The following RBFOX1 variants were observed in gnomAD, a reference collection of about 807,000 sequenced individuals.
RBFOX1 encodes the protein RNA binding fox-1 homolog 1.
Under a neutral mutation model 57.7 loss-of-function variants are expected in RBFOX1, and 8 were observed. That is an observed-to-expected ratio of 0.14 (90% CI 0.08 to 0.25). The LOEUF is 0.25. RBFOX1 is among the 10% of genes least tolerant of loss of function. The probability of loss-of-function intolerance (pLI) is 1.00; values close to 1 mark genes in which losing one functional copy is unlikely to be tolerated. For synonymous variants in RBFOX1, 326 were observed against 222.4 expected (o/e 1.47, Z -4.15); for missense variants, 611 against 548.5 (o/e 1.11, Z -1.14).
At chr16:5,789,466 T>C (rs2054616372) in intron 3 of RBFOX1, among the ~76,000 whole-genome samples, 1 of 152,152 alleles carries the variant, frequency 6.6e-6, no homozygotes. Flanking sequence ...CATGGGCATG[T>C]ATGGGTGTGT....
intron 3 of RBFOX1, among the ~76,000 whole-genome samples, chr16:6,876,953 G>A (rs2061960270): frequency 6.6e-6 from 1 of 152,104 alleles, no homozygotes; most frequent in South Asian, 2.1e-4. Flanking sequence ...AGTATTTATG[G>A]AAGAATAATT....
chr16:5,487,262 G>A (rs895862963), intron 2 of RBFOX1, among the ~76,000 whole-genome samples: 7 of 152,214 alleles, frequency 4.6e-5, no homozygotes, highest in Admixed American at 2.6e-4. Flanking sequence ...GGAGGCCAGG[G>A]AGAAGAACCA....
intron 12 of RBFOX1, among the ~76,000 whole-genome samples, chr16:7,654,927 A>C (rs1447646130): frequency 1.3e-5 from 2 of 152,214 alleles, no homozygotes; most frequent in East Asian, 1.9e-4. Flanking sequence ...GTCATGCTGC[A>C]GCTGAGAAAC....
intron 4 of RBFOX1, among the ~76,000 whole-genome samples, chr16:7,091,929 T>A (rs148956572): frequency 6.6e-6 from 1 of 152,340 alleles, no homozygotes; most frequent in African/African-American, 2.4e-5. Flanking sequence ...TTAAGGTCTT[T>A]CAGGACAGAA....
chr16:7,635,650 A>C (rs1427477294), intron 11 of RBFOX1, among the ~76,000 whole-genome samples: 1 of 143,350 alleles, frequency 7.0e-6, no homozygotes, highest in Non-Finnish European at 1.5e-5. Context: ...TACATATATC[A>C]ATCATATTTA....
intron 1 of RBFOX1, among the ~76,000 whole-genome samples, chr16:6,113,013 A>C (rs1023823449): frequency 7.2e-5 from 11 of 152,326 alleles, no homozygotes; most frequent in Non-Finnish European, 1.5e-4. Flanking sequence ...AGCTATTGCC[A>C]CCATGGTTCT....
chr16:7,412,811 G>C (rs550840005), intron 4 of RBFOX1, among the ~76,000 whole-genome samples: 3 of 152,298 alleles, frequency 2.0e-5, no homozygotes, highest in Admixed American at 1.3e-4. Flanking sequence ...GGGAGGCCGA[G>C]GCAGGCGGAC....
chr16:6,919,134 C>T (rs969036694), intron 3 of RBFOX1, among the ~76,000 whole-genome samples: 1 of 152,042 alleles, frequency 6.6e-6, no homozygotes, highest in Admixed American at 6.6e-5. Flanking sequence ...CACCTGCCAT[C>T]GTGCCTGGCT....
intron 4 of RBFOX1, among the ~76,000 whole-genome samples, chr16:7,498,310 C>A (rs2069386027): frequency 6.6e-6 from 1 of 152,116 alleles, no homozygotes; most frequent in South Asian, 2.1e-4. Context: ...TAAGTTCAAT[C>A]TTAGCTCTAT....
intron 1 of RBFOX1, among the ~76,000 whole-genome samples, chr16:6,277,835 G>T (rs1028227153): frequency 6.6e-6 from 1 of 152,098 alleles, no homozygotes; most frequent in East Asian, 1.9e-4. Context: ...TTGCGATTAG[G>T]ATTACTTTAG....
rs1458095160 is a variant in RBFOX1, at chr16:6,998,873, A to C, written c.-15-53184A>C. Among the ~76,000 whole-genome samples the C allele has an allele frequency of 2.6e-5, 4 of 151,798 alleles. No homozygotes were observed. The East Asian group carries it at 5.8e-4, about 22-fold the overall frequency. On this transcript the variant is annotated intron_variant, in intron 3 of 15. Coordinates refer to ENST00000550418, the MANE Select transcript of RBFOX1 (RefSeq NM_018723.4). ...TTTTTTTAATTAATTAAGTATTATT[A>C]TTATTATTATTTTGCGACTGAGTTT... is the stretch of plus-strand genomic sequence containing the variant.
chr16:7,672,409 C>A (rs986904032), intron 13 of RBFOX1, among the ~76,000 whole-genome samples: 1 of 152,138 alleles, frequency 6.6e-6, no homozygotes, highest in Non-Finnish European at 1.5e-5. Context: ...TACGAAAGTA[C>A]TTTTTGTAAA....
intron 2 of RBFOX1, among the ~76,000 whole-genome samples, chr16:6,509,552 A>G (rs2096203471): frequency 6.6e-6 from 1 of 152,188 alleles, no homozygotes; most frequent in Admixed American, 6.5e-5. Context: ...ATAGTGTGGA[A>G]GGAAGAAATG....
chr16:6,841,070 T>A (rs1433691262), intron 3 of RBFOX1, among the ~76,000 whole-genome samples: 1 of 152,112 alleles, frequency 6.6e-6, no homozygotes, highest in Non-Finnish European at 1.5e-5. Flanking sequence ...CACCTGTTTG[T>A]TTGTTTTTAA....
At chr16:7,171,144 C>A (rs1311955572) in intron 4 of RBFOX1, among the ~76,000 whole-genome samples, 1 of 152,202 alleles carries the variant, frequency 6.6e-6, no homozygotes, top group Admixed American at 6.5e-5. Flanking sequence ...CAAGGCCTTA[C>A]TTGCCACCAT....
intron 2 of RBFOX1, among the ~76,000 whole-genome samples, chr16:6,336,553 A>G (rs147266864): frequency 1.3e-5 from 2 of 152,134 alleles, no homozygotes; most frequent in South Asian, 2.1e-4. Flanking sequence ...TTTATAATCT[A>G]GAGAGGGCTG....
intron 2 of RBFOX1, among the ~76,000 whole-genome samples, chr16:6,534,329 G>C (rs2096706149): frequency 6.6e-6 from 1 of 152,106 alleles, no homozygotes; most frequent in South Asian, 2.1e-4. Flanking sequence ...ATCCACCAAA[G>C]AGTCCATGCT....
At chr16:6,692,066 C>G (rs924893972) in intron 3 of RBFOX1, among the ~76,000 whole-genome samples, 2 of 152,154 alleles carry the variant, frequency 1.3e-5, no homozygotes, top group Admixed American at 6.5e-5. Flanking sequence ...ACAAGTCAGA[C>G]TTTTAATATA....
chr16:6,814,366 C>G (rs2089558678), intron 3 of RBFOX1, among the ~76,000 whole-genome samples: 2 of 152,082 alleles, frequency 1.3e-5, no homozygotes, highest in Admixed American at 6.5e-5. Context: ...GTTTCCATTT[C>G]TTTCTGACAT....
Sources: allele counts gnomAD v4.1 joint callset (sites outside exome capture counted in the v4.1 genomes callset), GRCh38; gene constraint gnomAD v4.1.1; transcripts MANE v1.5; gene names NCBI Gene and HGNC (gene_info 2026-07-23, HGNC 2026-07-21).